UBA2: variants seen among roughly 807,000 people sequenced by gnomAD.
UBA2 encodes the protein SUMO-activating enzyme subunit 2.
UBA2 carries 11 observed loss-of-function variants against 77.2 expected under a neutral mutation model. The ratio of observed to expected loss-of-function variants is 0.14; its 90% confidence interval spans 0.09 to 0.24. UBA2 has a LOEUF of 0.24. UBA2 is among the 10% of genes least tolerant of loss of function. The pLI is 1.00. For synonymous variants in UBA2, 278 were observed against 276.7 expected (o/e 1.00, Z -0.05); for missense variants, 487 against 781.7 (o/e 0.62, Z 4.50).
At chr19:34,454,977 T>C (rs567470503) in intron 12 of UBA2, among the ~76,000 whole-genome samples, 2 of 152,354 alleles carry the variant, frequency 1.3e-5, no homozygotes, top group East Asian at 1.9e-4. Context: ...CTGAGATCTT[T>C]ATGGGTGAGT....
intron 12 of UBA2, among the ~76,000 whole-genome samples, chr19:34,457,378 T>G (rs1212335067): frequency 1.3e-5 from 2 of 151,398 alleles, no homozygotes; most frequent in Admixed American, 1.3e-4. Context: ...AGAAAAAATA[T>G]AGTAATATAT....
intron 15 of UBA2, among the ~76,000 whole-genome samples, chr19:34,465,737 G>A (rs1194967658): frequency 1.3e-5 from 2 of 151,868 alleles, no homozygotes; most frequent in Non-Finnish European, 2.9e-5. Context: ...TGCTTCAGTT[G>A]GACACTAGAT....
rs2075723950 is a variant in UBA2 at position 34,470,091 on chromosome 19, C to CT, written c.*871dup. 2 of 54,000 alleles carry CT rather than the reference C, an allele frequency of 3.7e-5. No individual in the cohort carries two copies. The allele number at this position is 54,000 out of a possible 1,614,324, so 3.3% of individuals were successfully genotyped here. On this transcript the variant is annotated 3_prime_UTR_variant, in exon 17 of 17. Coordinates refer to ENST00000246548, the MANE Select transcript of UBA2 (RefSeq NM_005499.3). Reference sequence around the variant, plus strand: ...TCAACATGGTGAAACCCCATCTCTACTAAAAAAAAAAAAAAAAATTAGCCG... The same window carrying CT: ...TCAACATGGTGAAACCCCATCTCTACTTAAAAAAAAAAAAAAAAATTAGCCG...
intron 16 of UBA2, among the ~76,000 whole-genome samples, chr19:34,467,748 G>A (rs753925131): frequency 2.6e-5 from 4 of 152,208 alleles, no homozygotes; most frequent in Non-Finnish European, 4.4e-5. Context: ...GTGACAGAGC[G>A]AGGCTTCCGG....
intron 15 of UBA2, among the ~76,000 whole-genome samples, chr19:34,464,942 T>C (rs908230605): frequency 1.3e-5 from 2 of 152,036 alleles, no homozygotes; most frequent in African/African-American, 4.8e-5. Context: ...TGGTGGCGCA[T>C]GCCTGTAATC....
chr19:34,450,005 G>T (rs1022839601), intron 8 of UBA2, among the ~76,000 whole-genome samples: 2 of 152,308 alleles, frequency 1.3e-5, no homozygotes, highest in African/African-American at 4.8e-5. Flanking sequence ...GACTTAGGAA[G>T]GCAGGGGCAG....
rs1370118393 is a variant in UBA2, at chr19:34,466,284, C to T, written c.1605-594C>T. Among the ~76,000 whole-genome samples, 5 of 152,088 alleles carry T rather than the reference C, an allele frequency of 3.3e-5. No individual in the cohort carries two copies. In the South Asian group the frequency reaches 6.2e-4, roughly 19 times the overall value. ...CTGGGAGGTAGAGGTTGCAGTGAAC[C>T]GAGATCACGCTACTGCACTCTAGCC... On this transcript the variant is annotated intron_variant, in intron 15 of 16. Coordinates refer to ENST00000246548, the MANE Select transcript of UBA2 (RefSeq NM_005499.3).
intron 3 of UBA2, among the ~76,000 whole-genome samples, chr19:34,432,887 CTG>C (rs1448949162): frequency 1.3e-5 from 2 of 152,058 alleles, no homozygotes; most frequent in Non-Finnish European, 2.9e-5. Flanking sequence ...GTTTTTTACT[CTG>C]TGAACCTGCC....
intron 5 of UBA2, among the ~76,000 whole-genome samples, chr19:34,435,538 T>G (rs557231392): frequency 6.6e-6 from 1 of 152,016 alleles, no homozygotes; most frequent in Non-Finnish European, 1.5e-5. Context: ...ATCAAAAATT[T>G]CTTTGTGTCG....
chr19:34,465,943 T>C (rs2075682778), intron 15 of UBA2, among the ~76,000 whole-genome samples: 1 of 152,178 alleles, frequency 6.6e-6, no homozygotes, highest in Admixed American at 6.5e-5. Flanking sequence ...TCTGATGTTT[T>C]TGGGAGTTCA....
chr19:34,469,948 A>G lies in UBA2; in HGVS notation c.*727A>G, dbSNP rs1387639088. On this transcript the variant is annotated 3_prime_UTR_variant, in exon 17 of 17. Coordinates refer to ENST00000246548, the MANE Select transcript of UBA2 (RefSeq NM_005499.3). ...CTTATATCTACTGCAGGAATGTCAA[A>G]TTCTTTTCATTAAAAAAAGAACTCG... The G allele has an allele frequency of 6.6e-6, 1 of 152,516 alleles. No individual in the cohort carries two copies. Among genetic ancestry groups the G allele is most frequent in the Non-Finnish European group, 1.5e-5 (1 of 68,034 alleles). 9.4% of individuals were successfully genotyped at this position (152,516 alleles called of 1,614,324 possible).
chr19:34,446,666 G>T (rs1159197027), intron 8 of UBA2, among the ~76,000 whole-genome samples: 1 of 150,074 alleles, frequency 6.7e-6, no homozygotes, highest in Non-Finnish European at 1.5e-5. Context: ...CTAGAGTGCA[G>T]TGGCATGATC....
rs752263306 is a variant in UBA2 at position 34,467,060 on chromosome 19, G to T, written c.1741+46G>T. The T allele has an allele frequency of 1.6e-5, 25 of 1,596,422 alleles. No homozygotes were observed. In the South Asian group the frequency reaches 2.6e-4, roughly 16 times the overall value. ...CAGGTTGTTAAATACCCACAAAGCA[G>T]AAGTAAAAACAAACTGATTATTAGG... On this transcript the variant is annotated intron_variant, in intron 16 of 16. Transcript: ENST00000246548.
At chr19:34,463,149 G>A (rs1185122856) in intron 14 of UBA2, among the ~76,000 whole-genome samples, 1 of 151,884 alleles carries the variant, frequency 6.6e-6, no homozygotes, top group Non-Finnish European at 1.5e-5. Context: ...CACACCTGTA[G>A]TCCCAGCTAT....
At chr19:34,444,044 GTTTTTTTTT>G (rs35028159) in intron 7 of UBA2, 133 bp downstream of exon 7, 22 of 175,774 alleles carry the variant, frequency 1.3e-4, no homozygotes, top group South Asian at 2.8e-4. Context: ...TTTTTTTTTT[GTTTTTTTTT>G]TTTTTTTTTT....
chr19:34,443,732 G>A (rs1234056391), intron 6 of UBA2, 112 bp from the exon 7 acceptor site: 8 of 761,474 alleles, frequency 1.1e-5, no homozygotes, highest in South Asian at 3.1e-5. Context: ...GAGCCACTGC[G>A]CCCAGCCAGT....
At chr19:34,451,767 C>T (rs928628862) in intron 9 of UBA2, among the ~76,000 whole-genome samples, 1 of 151,796 alleles carries the variant, frequency 6.6e-6, no homozygotes, top group Non-Finnish European at 1.5e-5. Flanking sequence ...AGGATGGTCT[C>T]GATCTCCTGA....
chr19:34,428,734 A>G, intron 1 of UBA2, 164 bp downstream of exon 1: 3 of 1,147,854 alleles, frequency 2.6e-6, no homozygotes, highest in Non-Finnish European at 3.3e-6. Flanking sequence ...CCCCCGCGGG[A>G]GGAGACTGTT....
chr19:34,428,971 G>T, intron 1 of UBA2: 1 of 986,218 alleles, frequency 1.0e-6, no homozygotes. Flanking sequence ...TAACTCCGAA[G>T]TAACGACGCG....
Sources: gnomAD v4.1 joint callset for allele counts (sites outside exome capture counted in the v4.1 genomes callset) on GRCh38, gnomAD v4.1.1 for gene constraint, MANE v1.5 for transcripts, NCBI Gene and HGNC (gene_info 2026-07-23, HGNC 2026-07-21) for gene names.